The following B4GALT7 variants were observed in gnomAD, a reference collection of about 807,000 sequenced individuals.
B4GALT7 encodes UDP-Gal:beta-GlcNAc beta-1,4-galactosyltransferase 7.
A neutral mutation model predicts 33.0 loss-of-function variants in B4GALT7; 30 were observed. That is an observed-to-expected ratio of 0.91 (90% CI 0.68 to 1.23). The LOEUF (loss-of-function observed/expected upper bound fraction) is 1.23. Ranked by LOEUF, B4GALT7 falls within the 50% of genes most tolerant of loss-of-function variation. The pLI, the probability that B4GALT7 is intolerant of heterozygous loss-of-function variation, is 0.00. For synonymous variants in B4GALT7, 213 were observed against 187.2 expected, an observed-to-expected ratio of 1.14 and a Z score of -1.13; for missense variants, 507 against 450.8, an observed-to-expected ratio of 1.12 and a Z score of -1.13.
intron 2 of B4GALT7, among the ~76,000 whole-genome samples, chr5:177,605,514 C>T (rs1219337865): frequency 2.6e-5 from 4 of 152,242 alleles, no homozygotes; most frequent in Non-Finnish European, 5.9e-5. Flanking sequence ...TTTCAGAAAA[C>T]AGAATGAAAT....
Position 177,608,828 on chromosome 5 carries a change from C to T in B4GALT7, c.724-82C>T. 2 of 1,302,882 alleles carry T rather than the reference C, an allele frequency of 1.5e-6. No homozygotes were observed. The highest frequency in any genetic ancestry group is 4.6e-5 in the East Asian group (2 of 43,372). 80.7% of individuals were successfully genotyped at this position (1,302,882 alleles called of 1,614,324 possible). ...TGCAGGCTGGGAGTGCAGGTCCCTTCCTGTGGGACCTCGGGAGCTGGTGGT... is the reference window on the plus strand; with the variant it reads ...TGCAGGCTGGGAGTGCAGGTCCCTTTCTGTGGGACCTCGGGAGCTGGTGGT... On this transcript the variant is annotated intron_variant, in intron 4 of 5. Coordinates refer to ENST00000029410, the MANE Select transcript of B4GALT7 (RefSeq NM_007255.3). This position sits in a 1 kb window ranked among gnomAD's most constrained non-coding sequence, Gnocchi z 4.1.
Position 177,608,392 on chromosome 5 carries a change from G to A in B4GALT7, c.640-147G>A, listed in dbSNP as rs561136103. On this transcript the variant is annotated intron_variant, in intron 3 of 5. Transcript: ENST00000029410. This position sits in a 1 kb window ranked among gnomAD's most constrained non-coding sequence, Gnocchi z 4.1. ...GGCCCGGGACGCGCTGCTTCCTGCC[G>A]CCCGCACTGCAGAAGTGCAGGAGCC... 129 of 686,394 alleles carry A rather than the reference G, an allele frequency of 1.9e-4. No homozygotes were observed. The highest frequency in any genetic ancestry group is 1.7e-3 in the African/African-American group (93 of 56,078). The allele number at this position is 686,394 out of a possible 1,614,324, so 42.5% of individuals were successfully genotyped here.
Position 177,609,804 on chromosome 5 carries a change from C to T in B4GALT7, c.*109C>T, listed in dbSNP as rs1397804625. ...TGACAGGATGTGGAGTGGCCAGGAC[C>T]AAGACAGCAAGCTACGCAATTGCAG... On this transcript the variant is annotated 3_prime_UTR_variant, in exon 6 of 6. Coordinates refer to ENST00000029410, the MANE Select transcript of B4GALT7 (RefSeq NM_007255.3). 4 of 1,431,030 alleles carry T rather than the reference C, an allele frequency of 2.8e-6. No homozygotes were observed. Among genetic ancestry groups the T allele is most frequent in the Non-Finnish European group, 3.8e-6 (4 of 1,048,050 alleles). The allele number at this position is 1,431,030 out of a possible 1,614,324, so 88.6% of individuals were successfully genotyped here. A position where few individuals can be genotyped will look rare whatever the true frequency, so the allele number is the denominator to read the frequency against.
chr5:177,606,668 C>T lies in B4GALT7; in HGVS notation c.414-634C>T, dbSNP rs1768021696. On this transcript the variant is annotated intron_variant, in intron 2 of 5. Transcript: ENST00000029410. This position sits in a 1 kb window ranked among gnomAD's most constrained non-coding sequence, Gnocchi z 4.2. ...AGTCACAGCACGCCTCTACCCTGCT[C>T]AGAGCCTCCATGGCACCCATCTTAC... 1 of 196,464 alleles carries T rather than the reference C, an allele frequency of 5.1e-6. No homozygotes were observed. The highest frequency in any genetic ancestry group is 1.1e-5 in the Non-Finnish European group (1 of 94,086). The allele number at this position is 196,464 out of a possible 1,614,324, so 12.2% of individuals were successfully genotyped here.
chr5:177,607,222 TG>T, intron 2 of B4GALT7, 79 bp from the exon 3 acceptor site: 1 of 1,300,996 alleles, frequency 7.7e-7, no homozygotes. Flanking sequence ...ATAGGCACCA[TG>T]GGGACCCCCG....
intron 2 of B4GALT7, 79 bp downstream of exon 2, chr5:177,604,620 G>A: frequency 1.3e-6 from 2 of 1,588,872 alleles, no homozygotes; most frequent in Non-Finnish European, 1.7e-6. Flanking sequence ...AGGCCACCTG[G>A]GGCAGGGGCA....
rs202000213 is a variant in B4GALT7 at position 177,608,494 on chromosome 5, C to T, written c.640-45C>T. ...AGCGGTAGGAGACCAAAGGCCCCCCCCCCCGGGAAGATGGGCCGAGTGACG... is the reference window on the plus strand; with the variant it reads ...AGCGGTAGGAGACCAAAGGCCCCCCTCCCCGGGAAGATGGGCCGAGTGACG... On this transcript the variant is annotated intron_variant, in intron 3 of 5. Transcript: ENST00000029410. The surrounding 1 kb of genome is among the most constrained non-coding windows in gnomAD (Gnocchi z 4.1). 4.7e-4 allele frequency: 735 copies of T among 1,564,092 alleles called. 3 individuals are homozygous for T. The highest frequency in any genetic ancestry group is 8.1e-4 in the South Asian group (73 of 89,760).
Position 177,606,787 on chromosome 5 carries a change from C to A in B4GALT7, c.414-515C>A. 3.9e-6 allele frequency: 1 copy of A among 253,264 alleles called. No homozygotes were observed. Among genetic ancestry groups the A allele is most frequent in the Non-Finnish European group, 7.9e-6 (1 of 127,318 alleles). 15.7% of individuals were successfully genotyped at this position (253,264 alleles called of 1,614,324 possible). On this transcript the variant is annotated intron_variant, in intron 2 of 5. Coordinates refer to ENST00000029410, the MANE Select transcript of B4GALT7 (RefSeq NM_007255.3). The surrounding 1 kb of genome is among the most constrained non-coding windows in gnomAD (Gnocchi z 4.2). The stretch of plus-strand genomic sequence containing the variant: ...CCACCTCTGCCCTCGCCCTGCCCAG[C>A]TGCCCGTTGGTCTGCTCCTGCCTCC...
At position 177,607,161 on chromosome 5, in the gene B4GALT7, G is replaced by GAGGGACTGCCTCACAGGCTGAGTGA. The variant is rs1554126738; in HGVS notation, c.414-131_414-130insTCACAGGCTGAGTGAAGGGACTGCC. The GAGGGACTGCCTCACAGGCTGAGTGA allele has an allele frequency of 2.4e-4, 179 of 733,064 alleles. No individual in the cohort carries two copies. In the African/African-American group the frequency reaches 2.8e-3, roughly 11 times the overall value. 45.4% of individuals were successfully genotyped at this position (733,064 alleles called of 1,614,324 possible). A position where few individuals can be genotyped will look rare whatever the true frequency, so the allele number is the denominator to read the frequency against. On this transcript the variant is annotated intron_variant, in intron 2 of 5. Transcript: ENST00000029410. ...GTGCTTAGTAAATATGCGATGAGTG[G>GAGGGACTGCCTCACAGGCTGAGTGA]AGGGACTGCCCCACAGGCTGAGTGA...
In B4GALT7 at chr5:177,600,337, C is replaced by T; in HGVS notation, c.50+77C>T. 8.5e-7 allele frequency: 1 copy of T among 1,171,216 alleles called. No individual in the cohort carries two copies. Among genetic ancestry groups the T allele is most frequent in the Non-Finnish European group, 1.1e-6 (1 of 922,848 alleles). 72.6% of individuals were successfully genotyped at this position (1,171,216 alleles called of 1,614,324 possible). A position where few individuals can be genotyped will look rare whatever the true frequency, so the allele number is the denominator to read the frequency against. ...CTCGGCCGCCGGCGGAATCTGGGAA[C>T]CCGAGGCCATCACGTCTCCATGTCT... On this transcript the variant is annotated intron_variant, in intron 1 of 5. Transcript: ENST00000029410. This position sits in a 1 kb window ranked among gnomAD's most constrained non-coding sequence, Gnocchi z 4.4.
At position 177,605,135 on chromosome 5, in the gene B4GALT7, C is replaced by T. The variant is rs577966761; in HGVS notation, c.413+594C>T. On this transcript the variant is annotated intron_variant, in intron 2 of 5. Transcript: ENST00000029410. ...CTTGATCCAGATCCCCAGACCCCCC[C>T]CTTTTCCCTGCCACCCTTCTTGTCT... 4.7e-4 allele frequency: 195 copies of T among 415,524 alleles called. 1 individual carries two copies. The highest frequency in any genetic ancestry group is 8.4e-4 in the Non-Finnish European group (174 of 207,568). 25.7% of individuals were successfully genotyped at this position (415,524 alleles called of 1,614,324 possible).
rs967443984 is a variant in B4GALT7 at position 177,600,878 on chromosome 5, A to G, written c.50+618A>G. On this transcript the variant is annotated intron_variant, in intron 1 of 5. Coordinates refer to ENST00000029410, the MANE Select transcript of B4GALT7 (RefSeq NM_007255.3). This position sits in a 1 kb window ranked among gnomAD's most constrained non-coding sequence, Gnocchi z 4.4. ...CTGGCACGTACTAGACACTCCTTAT[A>G]CACGCATTAGTCCATTTCCTGTGCA... Among the ~76,000 whole-genome samples, 1 of 152,062 alleles carries G rather than the reference A, an allele frequency of 6.6e-6. No homozygotes were observed. Among genetic ancestry groups the G allele is most frequent in the African/African-American group, 2.4e-5 (1 of 41,366 alleles).
chr5:177,609,778 C>CT lies in B4GALT7; in HGVS notation c.*84dup, dbSNP rs2127514742. 6 of 1,525,010 alleles carry CT rather than the reference C, an allele frequency of 3.9e-6. No individual in the cohort carries two copies. In the East Asian group the frequency reaches 1.5e-4, roughly 37 times the overall value. The allele number at this position is 1,525,010 out of a possible 1,614,324, so 94.5% of individuals were successfully genotyped here. A position where few individuals can be genotyped will look rare whatever the true frequency, so the allele number is the denominator to read the frequency against. On this transcript the variant is annotated 3_prime_UTR_variant, in exon 6 of 6. Coordinates refer to ENST00000029410, the MANE Select transcript of B4GALT7 (RefSeq NM_007255.3). ...AAGGCCTCAGGTCGTGGGCCCAGCT[C>CT]TGACAGGATGTGGAGTGGCCAGGAC...
In B4GALT7 at chr5:177,607,522, C is replaced by T. The variant is rs41284943; in HGVS notation, c.634C>T (p.Arg212Trp). The T allele has an allele frequency of 3.8e-4, 620 of 1,611,230 alleles. No individual in the cohort carries two copies. Among genetic ancestry groups the T allele is most frequent in the African/African-American group, 5.1e-4 (38 of 75,070 alleles). ...GILLLSKQHY[R>W]LCNGMSNRFW... ...CCTGCTGCTCTCCAAGCAGCACTAC[C>T]GGCTGGTGAGGCCCGGACAGCCTGC... is the stretch of plus-strand genomic sequence containing the variant. The change falls in exon 3 of 6, where the codon CGG (arginine) becomes TGG (tryptophan). Residue 212 changes from arginine (R) to tryptophan (W), a missense_variant. Arg to Trp is a moderately radical substitution (Grantham distance 101, BLOSUM62 -3). Coordinates refer to ENST00000029410, the MANE Select transcript of B4GALT7 (RefSeq NM_007255.3).
In B4GALT7 at chr5:177,608,963, T is replaced by A. The variant is rs729459; in HGVS notation, c.777T>A (p.His259Gln). 1.9e-6 allele frequency: 3 copies of A among 1,613,210 alleles called. No homozygotes were observed. Among genetic ancestry groups the A allele is most frequent in the Non-Finnish European group, 2.5e-6 (3 of 1,179,912 alleles). ...GGTACAAGACATTTCGCCACCTGCA[T>A]GACCCAGCCTGGCGGAAGAGGGACC... ...TTGYKTFRHL[H>Q]DPAWRKRDQK... Residue 259 changes from histidine (H) to glutamine (Q), a missense_variant, in exon 5 of 6, where the codon CAT (histidine) becomes CAA (glutamine). By Grantham distance (24) the His-to-Gln change is conservative. Coordinates refer to ENST00000029410, the MANE Select transcript of B4GALT7 (RefSeq NM_007255.3). The surrounding 1 kb of genome is among the most constrained non-coding windows in gnomAD (Gnocchi z 4.1).
Position 177,609,966 on chromosome 5 carries a change from A to G in B4GALT7, c.*271A>G. ...CCCCCCCTGCCTTCCTGCTCACCCT[A>G]CTCTGACCTCCTTCACGTGCCCAGG... On this transcript the variant is annotated 3_prime_UTR_variant, in exon 6 of 6. Coordinates refer to ENST00000029410, the MANE Select transcript of B4GALT7 (RefSeq NM_007255.3). The G allele has an allele frequency of 1.9e-6, 1 of 521,628 alleles. No homozygotes were observed. The allele number at this position is 521,628 out of a possible 1,614,324, so 32.3% of individuals were successfully genotyped here.
chr5:177,609,074 C>T (rs1030528855), intron 5 of B4GALT7, 60 bp downstream of exon 5: 67 of 1,466,756 alleles, frequency 4.6e-5, no homozygotes, highest in Non-Finnish European at 5.7e-5. Context: ...CCAGCAGGCC[C>T]GGGCTTTCAC....
At chr5:177,604,923 C>T (rs1000759725) in intron 2 of B4GALT7, 12 of 462,258 alleles carry the variant, frequency 2.6e-5, no homozygotes, top group Non-Finnish European at 4.3e-5. Context: ...GTCAAGGCCA[C>T]GGCTTTAAAG....
chr5:177,609,013 A>G lies in B4GALT7; in HGVS notation c.827A>G (p.Gln276Arg). The G allele has an allele frequency of 6.2e-7, 1 of 1,609,290 alleles. No individual in the cohort carries two copies. Among genetic ancestry groups the G allele is most frequent in the Non-Finnish European group, 8.5e-7 (1 of 1,179,150 alleles). The change falls in exon 5 of 6, where the codon CAG becomes CGG. Residue 276 changes from glutamine to arginine, a missense_variant and splice_region_variant. Transcript: ENST00000029410. ...CAGAAGCGCATCGCAGCTCAAAAAC[A>G]GGTGCTGGCAGGGCTCCTCATTGGG... ...RDQKRIAAQK[Q>R]EQFKVDREGG... is the part of the protein sequence containing the mutation.
Sources: gnomAD v4.1 joint callset for allele counts (sites outside exome capture counted in the v4.1 genomes callset) on GRCh38, gnomAD v4.1.1 for gene constraint, Gnocchi (gnomAD v3.1) non-coding constraint, MANE v1.5 for transcripts, NCBI Gene and HGNC (gene_info 2026-07-23, HGNC 2026-07-21) for gene names.